The following CHRNB4 variants were observed in gnomAD, a reference collection of about 807,000 sequenced individuals.
CHRNB4 encodes the protein cholinergic receptor nicotinic beta 4 subunit.
Under a neutral mutation model 40.4 loss-of-function variants are expected in CHRNB4, and 23 were observed. The ratio of observed to expected loss-of-function variants is 0.57; its 90% CI spans 0.41 to 0.81. The LOEUF is 0.81. Among genes scored for constraint, CHRNB4 ranks in the 30% least tolerant of loss-of-function variants. CHRNB4 has a pLI of 0.00. For synonymous variants in CHRNB4, 285 were observed against 274.4 expected, an observed-to-expected ratio of 1.04 and a Z score of -0.38; for missense variants, 568 against 670.6, an observed-to-expected ratio of 0.85 and a Z score of 1.69.
At position 78,624,981 on chromosome 15, in the gene CHRNB4, C is replaced by T. The variant is rs1383908293; in HGVS notation, c.*152G>A. 13 of 1,575,132 alleles carry T rather than the reference C, an allele frequency of 8.3e-6. No individual in the cohort carries two copies. Among genetic ancestry groups the T allele is most frequent in the Non-Finnish European group, 1.1e-5 (13 of 1,168,286 alleles). On this transcript the variant is annotated 3_prime_UTR_variant, in exon 6 of 6. Coordinates refer to ENST00000261751, the MANE Select transcript of CHRNB4 (RefSeq NM_000750.5). Reference sequence around the variant, plus strand: ...CAGAGAGGACAGCCCAGGCCCCCATCCTTGCCTGTTCCACGGCTGTGGCTG... The same window carrying T: ...CAGAGAGGACAGCCCAGGCCCCCATTCTTGCCTGTTCCACGGCTGTGGCTG...
At chr15:78,644,841 G>T (rs1336364300), upstream of CHRNB4, among the ~76,000 whole-genome samples, 1 of 152,194 alleles carries the variant, frequency 6.6e-6, no homozygotes, top group African/African-American at 2.4e-5. Context: ...CAAGAACAGT[G>T]TGCAGACACC....
chr15:78,625,841 A>G (rs1211048521), intron 5 of CHRNB4: 2 of 152,266 alleles, frequency 1.3e-5, no homozygotes, highest in East Asian at 1.9e-4. Flanking sequence ...CTCCTGCTGC[A>G]TCATTCAGGT....
At chr15:78,642,909 G>A (rs908940030), upstream of CHRNB4, among the ~76,000 whole-genome samples, 4 of 152,264 alleles carry the variant, frequency 2.6e-5, no homozygotes, top group Admixed American at 6.5e-5. Context: ...CCAGGCATCC[G>A]GATTTGTATT....
At chr15:78,634,232 G>A (rs543362428) in intron 2 of CHRNB4, among the ~76,000 whole-genome samples, 3 of 152,190 alleles carry the variant, frequency 2.0e-5, no homozygotes, top group Non-Finnish European at 4.4e-5. Context: ...ACCCTATAGG[G>A]CCGGCAGAGC....
intron 5 of CHRNB4, chr15:78,627,475 G>A (rs1162855182): frequency 1.3e-5 from 2 of 152,086 alleles, no homozygotes; most frequent in African/African-American, 2.4e-5. Context: ...GTGATTCTGG[G>A]GCTGTTCCTG....
At position 78,625,089 on chromosome 15, in the gene CHRNB4, C is replaced by T; in HGVS notation, c.*44G>A. On this transcript the variant is annotated 3_prime_UTR_variant, in exon 6 of 6. Transcript: ENST00000261751. Reference sequence around the variant, plus strand: ...ACCCAGAAAGAAGCAGCAAAGTGCCCACCCGGCCACTCACATCCTCTCACC... The same window carrying T: ...ACCCAGAAAGAAGCAGCAAAGTGCCTACCCGGCCACTCACATCCTCTCACC... 1 of 1,613,134 alleles carries T rather than the reference C, an allele frequency of 6.2e-7. No individual in the cohort carries two copies. The highest frequency in any genetic ancestry group is 2.2e-5 in the East Asian group (1 of 44,890).
intron 1 of CHRNB4, among the ~76,000 whole-genome samples, chr15:78,637,708 C>T (rs1437339977): frequency 2.6e-5 from 4 of 152,150 alleles, no homozygotes. Context: ...TTGTGGGGAG[C>T]AGCCGCCACC....
upstream of CHRNB4, among the ~76,000 whole-genome samples, chr15:78,642,863 C>T (rs1481347032): frequency 6.6e-6 from 1 of 152,156 alleles, no homozygotes; most frequent in Admixed American, 6.5e-5. Flanking sequence ...CACAGAGAGA[C>T]AGCACAGAGC....
At position 78,624,563 on chromosome 15, in the gene CHRNB4, G is replaced by A. The variant is rs71528528; in HGVS notation, c.*570C>T. ...GTGGGTCATTTGAGGTCAGGAGTTC[G>A]AAATCAGCCTGGCCAACAAAAATAC... On this transcript the variant is annotated 3_prime_UTR_variant, in exon 6 of 6. Coordinates refer to ENST00000261751, the MANE Select transcript of CHRNB4 (RefSeq NM_000750.5). The A allele has an allele frequency of 6.0e-4, 96 of 160,962 alleles. No homozygotes were observed. Among genetic ancestry groups the A allele is most frequent in the East Asian group, 8.9e-4 (5 of 5,620 alleles). The allele number at this position is 160,962 out of a possible 1,614,324, so 10.0% of individuals were successfully genotyped here. A position where few individuals can be genotyped will look rare whatever the true frequency, so the allele number is the denominator to read the frequency against.
chr15:78,636,868 A>C (rs1289700459), intron 1 of CHRNB4, among the ~76,000 whole-genome samples: 1 of 152,198 alleles, frequency 6.6e-6, no homozygotes, highest in Non-Finnish European at 1.5e-5. Context: ...GGGTAACAGC[A>C]AGCAAAAACC....
upstream of CHRNB4, among the ~76,000 whole-genome samples, chr15:78,643,119 T>C (rs2054095608): frequency 6.6e-6 from 1 of 151,706 alleles, no homozygotes; most frequent in Non-Finnish European, 1.5e-5. Context: ...TTTATGAACA[T>C]GGATTCCAAA....
chr15:78,653,072 T>C (rs186406245), intron 5 of CHRNB4, among the ~76,000 whole-genome samples: 9 of 152,274 alleles, frequency 5.9e-5, no homozygotes, highest in African/African-American at 2.2e-4. Context: ...AATGGGATAA[T>C]GAAAGCCTCA....
Position 78,641,120 on chromosome 15 carries a change from G to T in CHRNB4, c.14C>A (p.Pro5His), listed in dbSNP as rs1232730782. 1 of 1,575,512 alleles carries T rather than the reference G, an allele frequency of 6.3e-7. No homozygotes were observed. The highest frequency in any genetic ancestry group is 8.6e-7 in the Non-Finnish European group (1 of 1,162,068). The change falls in exon 1 of 6, where the codon CCT becomes CAT. Residue 5 changes from proline to histidine, a missense_variant. By Grantham distance (77) the Pro-to-His change is moderately conservative (BLOSUM62 -2). Coordinates refer to ENST00000261751, the MANE Select transcript of CHRNB4 (RefSeq NM_000750.5). Reference sequence around the variant, plus strand: ...GACCAGGAAGAAAAGGACCAGGGAAGGCGCGCGCCTCATGGCCGGCGGGGC... The same window carrying T: ...GACCAGGAAGAAAAGGACCAGGGAATGCGCGCGCCTCATGGCCGGCGGGGC... MRRA[P>H]SLVLFFLVAL...
chr15:78,659,816 T>C (rs1408220400), intron 1 of CHRNB4, among the ~76,000 whole-genome samples: 3 of 152,208 alleles, frequency 2.0e-5, no homozygotes, highest in Non-Finnish European at 4.4e-5. Context: ...TGTGACATGA[T>C]TGCTTTAATT....
chr15:78,634,517 C>T (rs558397846), intron 2 of CHRNB4: 2 of 326,140 alleles, frequency 6.1e-6, no homozygotes, highest in East Asian at 1.6e-4. Context: ...TGGAGCCAGT[C>T]ATTAATTTGG....
At chr15:78,659,592 C>G (rs2054237340) in intron 1 of CHRNB4, among the ~76,000 whole-genome samples, 1 of 152,098 alleles carries the variant, frequency 6.6e-6, no homozygotes, top group Admixed American at 6.6e-5. Context: ...AAGGAACCAA[C>G]CCTACTCTGG....
upstream of CHRNB4, among the ~76,000 whole-genome samples, chr15:78,642,308 G>GT (rs1481875862): frequency 9.8e-5 from 15 of 152,370 alleles, no homozygotes; most frequent in East Asian, 2.7e-3. Context: ...AACTGCAGCA[G>GT]TAATAGGTAA....
Position 78,624,860 on chromosome 15 carries a change from A to G in CHRNB4, c.*273T>C. ...TAGGTGCTGCTACGAAGTCATCTTT[A>G]TCCCCATTGCCCGGTGCAGGGAAGG... On this transcript the variant is annotated 3_prime_UTR_variant, in exon 6 of 6. Transcript: ENST00000261751. 8.8e-7 allele frequency: 1 copy of G among 1,130,146 alleles called. No individual in the cohort carries two copies. The highest frequency in any genetic ancestry group is 1.7e-5 in the South Asian group (1 of 58,434). The allele number at this position is 1,130,146 out of a possible 1,614,324, so 70.0% of individuals were successfully genotyped here. A position where few individuals can be genotyped will look rare whatever the true frequency, so the allele number is the denominator to read the frequency against.
At chr15:78,633,507 G>C (rs2053879244) in intron 2 of CHRNB4, among the ~76,000 whole-genome samples, 1 of 152,184 alleles carries the variant, frequency 6.6e-6, no homozygotes, top group Admixed American at 6.5e-5. Context: ...AGGGAGGAGG[G>C]AGAAGAAGAA....
Sources: allele counts gnomAD v4.1 joint callset (sites outside exome capture counted in the v4.1 genomes callset), GRCh38; gene constraint gnomAD v4.1.1; transcripts MANE v1.5; gene names NCBI Gene and HGNC (gene_info 2026-07-23, HGNC 2026-07-21).